The following MACF1 variants were observed in gnomAD, a reference collection of about 807,000 sequenced individuals.
The protein encoded by MACF1 is microtubule actin crosslinking factor 1.
MACF1 carries 193 observed loss-of-function variants against 854.8 expected under a neutral mutation model. The ratio of observed to expected loss-of-function variants is 0.23; its 90% CI spans 0.20 to 0.25. The LOEUF is 0.25. Among genes scored for constraint, MACF1 ranks in the 10% least tolerant of loss-of-function variants. The pLI is 1.00. For synonymous variants in MACF1, 3,185 were observed against 3,226.7 expected, an observed-to-expected ratio of 0.99 and a Z score of 0.44; for missense variants, 7,722 against 8,929.1, an observed-to-expected ratio of 0.86 and a Z score of 5.45.
chr1:39,193,887 A>C (rs943142883), intron 2 of MACF1, among the ~76,000 whole-genome samples: 1 of 151,986 alleles, frequency 6.6e-6, no homozygotes, highest in African/African-American at 2.4e-5. Context: ...GTTGTTGCCC[A>C]GGCTGGGGTG....
intron 25 of MACF1, 42 bp downstream of exon 25, chr1:39,310,470 A>G (rs1360996812): frequency 9.5e-6 from 15 of 1,575,880 alleles, no homozygotes; most frequent in Non-Finnish European, 1.3e-5. Flanking sequence ...GTAGAATGAG[A>G]GCCTTTCAAG....
intron 2 of MACF1, among the ~76,000 whole-genome samples, chr1:39,090,767 A>T (rs1238225246): frequency 6.6e-6 from 1 of 152,190 alleles, no homozygotes; most frequent in Non-Finnish European, 1.5e-5. Context: ...CAGGGGTTAG[A>T]TGCCACCAGA....
At chr1:39,112,622 A>G (rs978222405) in intron 2 of MACF1, among the ~76,000 whole-genome samples, 3 of 152,172 alleles carry the variant, frequency 2.0e-5, no homozygotes, top group African/African-American at 7.2e-5. Context: ...AGGAGGCTGC[A>G]TTAAGCCAAG....
chr1:39,250,748 A>G (rs1226414134), intron 3 of MACF1, among the ~76,000 whole-genome samples: 2 of 152,184 alleles, frequency 1.3e-5, no homozygotes, highest in African/African-American at 2.4e-5. Flanking sequence ...ATTATGGGAA[A>G]CACCTACATA....
At chr1:39,323,486 CAAGG>C (rs1488660772) in intron 33 of MACF1, among the ~76,000 whole-genome samples, 1 of 150,704 alleles carries the variant, frequency 6.6e-6, no homozygotes, top group Admixed American at 6.6e-5. Context: ...ATTTGAGAGA[CAAGG>C]AAGTTAGAAT....
intron 58 of MACF1, among the ~76,000 whole-genome samples, chr1:39,393,190 AAAAAAAAT>A (rs1360370282): frequency 2.3e-5 from 2 of 86,710 alleles, no homozygotes; most frequent in African/African-American, 1.2e-4. Context: ...GTAAAAAAAA[AAAAAAAAT>A]ATATATATAT....
chr1:39,325,046 A>C lies in MACF1; in HGVS notation c.4478+312A>C, dbSNP rs545550386. Among the ~76,000 whole-genome samples the C allele has an allele frequency of 4.6e-5, 7 of 152,366 alleles. No individual in the cohort carries two copies. In the South Asian group the frequency reaches 1.5e-3, roughly 32 times the overall value. ...ATAATGTAGACAAGAAATGACGAGG[A>C]ATGGAAACAAAGAGACTAATATTCA... On this transcript the variant is annotated intron_variant, in intron 35 of 100. Coordinates refer to ENST00000564288, the MANE Select transcript of MACF1 (RefSeq NM_001394062.1).
chr1:39,250,781 G>A (rs893307942), intron 3 of MACF1, among the ~76,000 whole-genome samples: 7 of 152,146 alleles, frequency 4.6e-5, no homozygotes, highest in Non-Finnish European at 1.0e-4. Flanking sequence ...TCCTGTCTGA[G>A]CTTCTTGCCT....
rs777681636 is a variant in MACF1, at chr1:39,427,987, T to G, written c.16503T>G (p.His5501Gln). The change falls in exon 63 of 101, where the codon CAT becomes CAG. Residue 5501 changes from histidine to glutamine, a missense_variant. Physicochemically the swap from His to Gln is conservative, Grantham distance 24. Coordinates refer to ENST00000564288, the MANE Select transcript of MACF1 (RefSeq NM_001394062.1). Reference sequence around the variant, plus strand: ...CTCTGGAAGAAGACATAGAAAACCATGCAACAGATGTGCACCAGGCAGTCA... The same window carrying G: ...CTCTGGAAGAAGACATAGAAAACCAGGCAACAGATGTGCACCAGGCAGTCA... ...HKALEEDIENHATDVHQAVKI... is the reference protein window; with the variant it reads ...HKALEEDIENQATDVHQAVKI... 19 of 1,613,646 alleles carry G rather than the reference T, an allele frequency of 1.2e-5. No homozygotes were observed. The highest frequency in any genetic ancestry group is 1.4e-5 in the Non-Finnish European group (17 of 1,179,658).
chr1:39,207,866 G>T (rs1178905087), intron 1 of MACF1, among the ~76,000 whole-genome samples: 2 of 152,036 alleles, frequency 1.3e-5, no homozygotes, highest in Non-Finnish European at 2.9e-5. Context: ...GGGCGTGGTG[G>T]CTCACACCTG....
At chr1:39,472,344 A>C (rs1644794304) in intron 97 of MACF1, among the ~76,000 whole-genome samples, 1 of 152,214 alleles carries the variant, frequency 6.6e-6, no homozygotes, top group South Asian at 2.1e-4. Flanking sequence ...CTAGTTCGAG[A>C]AAAATGTTTA....
Position 39,380,050 on chromosome 1 carries a change from C to G in MACF1, c.13519-194C>G, listed in dbSNP as rs578047833. ...ATTATACATAAAAGAAACTCAGATC[C>G]TGCCATTTAGATTTTCATTTTAAAA... is the stretch of plus-strand genomic sequence containing the variant. On this transcript the variant is annotated intron_variant, in intron 54 of 100. Transcript: ENST00000564288. Among the ~76,000 whole-genome samples the G allele has an allele frequency of 3.3e-5, 5 of 152,250 alleles. No individual in the cohort carries two copies. The South Asian group carries it at 1.0e-3, about 32-fold the overall frequency.
intron 2 of MACF1, among the ~76,000 whole-genome samples, chr1:39,169,191 A>G (rs960497989): frequency 6.6e-6 from 1 of 152,220 alleles, no homozygotes; most frequent in Non-Finnish European, 1.5e-5. Context: ...CCTGAATTAC[A>G]GCAACCGCCT....
chr1:39,239,506 T>A (rs530828817), intron 2 of MACF1, among the ~76,000 whole-genome samples: 219 of 152,296 alleles, frequency 1.4e-3, no homozygotes, highest in Non-Finnish European at 2.4e-3. Context: ...AACAACCTAA[T>A]TTAGAATGTA....
chr1:39,408,269 C>T (rs1642793400), intron 58 of MACF1, among the ~76,000 whole-genome samples: 1 of 152,130 alleles, frequency 6.6e-6, no homozygotes, highest in Admixed American at 6.5e-5. Context: ...GAGAATTGAC[C>T]AGGACTTGAT....
At position 39,428,014 on chromosome 1, in the gene MACF1, A is replaced by T. The variant is rs1004020548; in HGVS notation, c.16530A>T (p.Lys5510Asn). Residue 5510 changes from lysine (K) to asparagine (N), a missense_variant, in exon 63 of 101, where the codon AAA becomes AAT. This residue lies in a region of MACF1 where 2,807 missense variants were observed against 3,235.8 expected (regional missense o/e 0.87). Transcript: ENST00000564288. Reference sequence around the variant, plus strand: ...CAACAGATGTGCACCAGGCAGTCAAAATTGGGCAGTCCCTCTCCTCCCTGA... The same window carrying T: ...CAACAGATGTGCACCAGGCAGTCAATATTGGGCAGTCCCTCTCCTCCCTGA... ...NHATDVHQAV[K>N]IGQSLSSLTS... The T allele has an allele frequency of 5.6e-6, 9 of 1,614,088 alleles. No individual in the cohort carries two copies. Among genetic ancestry groups the T allele is most frequent in the Non-Finnish European group, 6.8e-6 (8 of 1,180,036 alleles).
chr1:39,334,754 A>C lies in MACF1; in HGVS notation c.8166A>C (p.Ala2722=). 2.5e-6 allele frequency: 4 copies of C among 1,614,178 alleles called. No individual in the cohort carries two copies. Among genetic ancestry groups the C allele is most frequent in the Non-Finnish European group, 3.4e-6 (4 of 1,180,012 alleles). Residue 2722 remains alanine, a synonymous_variant, in exon 37 of 101, where the codon GCA becomes GCC. Coordinates refer to ENST00000564288, the MANE Select transcript of MACF1 (RefSeq NM_001394062.1). ...LVDENMVRII[A]SHQVLNGGIV... ...ATGAAAACATGGTCAGAATTATTGC[A>C]TCTCATCAGGTGTTAAATGGAGGAA...
chr1:39,418,889 A>T (rs1643428637), intron 58 of MACF1, among the ~76,000 whole-genome samples: 1 of 152,030 alleles, frequency 6.6e-6, no homozygotes, highest in Non-Finnish European at 1.5e-5. Flanking sequence ...AGTAACAAAG[A>T]TAAAAGTGTT....
At chr1:39,202,559 C>T (rs1043039846), upstream of MACF1, among the ~76,000 whole-genome samples, 2 of 151,492 alleles carry the variant, frequency 1.3e-5, no homozygotes, top group African/African-American at 4.8e-5. Flanking sequence ...CGCTTGAAGC[C>T]GGGAGGCACA....
Sources: gnomAD v4.1 joint callset for allele counts (sites outside exome capture counted in the v4.1 genomes callset) on GRCh38, gnomAD v4.1.1 for gene constraint, gnomAD v4.1.1 regional missense constraint, MANE v1.5 for transcripts, NCBI Gene and HGNC (gene_info 2026-07-23, HGNC 2026-07-21) for gene names.